UBE2R2: variants seen among roughly 807,000 people sequenced by gnomAD.
UBE2R2 encodes ubiquitin conjugating enzyme E2 R2.
UBE2R2 carries 1 observed loss-of-function variant against 27.8 expected under a neutral mutation model. The observed-to-expected ratio is 0.04, with a 90% CI of 0.01 to 0.17. The LOEUF is 0.17. Among genes scored for constraint, UBE2R2 ranks in the 10% least tolerant of loss-of-function variants. The pLI, the probability that UBE2R2 is intolerant of heterozygous loss-of-function variation, is 1.00. For missense variants in UBE2R2, 100 were observed against 291.0 expected (o/e 0.34, Z 4.78); for synonymous variants, 106 against 113.3 (o/e 0.94, Z 0.41).
At chr9:33,873,671 C>T (rs757734205) in intron 1 of UBE2R2, among the ~76,000 whole-genome samples, 1 of 152,122 alleles carries the variant, frequency 6.6e-6, no homozygotes, top group Non-Finnish European at 1.5e-5. Context: ...GGCCAGGTCT[C>T]GCTCTGTCAC....
intron 1 of UBE2R2, among the ~76,000 whole-genome samples, chr9:33,844,958 G>A (rs1180169484): frequency 3.3e-5 from 5 of 151,060 alleles, no homozygotes; most frequent in African/African-American, 7.3e-5. Flanking sequence ...TAGTAGAGAC[G>A]GGGTTTCACC....
rs71506139 is a variant in UBE2R2, at chr9:33,843,042, CTTTTTT to C, written c.177+25126_177+25131del. 7.5e-4 allele frequency among the ~76,000 whole-genome samples: 79 copies of C among 105,290 alleles called. 1 individual carries two copies. Among genetic ancestry groups the C allele is most frequent in the African/African-American group, 2.8e-3 (71 of 25,066 alleles). The allele number at this position is 105,290 out of a possible 152,430, so 69.1% of individuals were successfully genotyped here. On this transcript the variant is annotated intron_variant, in intron 1 of 4. Coordinates refer to ENST00000263228, the MANE Select transcript of UBE2R2 (RefSeq NM_017811.4). ...TTTACAAAAAAAAAAAAACAGACCA[CTTTTTT>C]TTTTTTTTTTTTTTTTTAAGACAGA...
At chr9:33,836,370 C>G (rs555309465) in intron 1 of UBE2R2, among the ~76,000 whole-genome samples, 1 of 152,152 alleles carries the variant, frequency 6.6e-6, no homozygotes, top group African/African-American at 2.4e-5. Context: ...CCTAATGATG[C>G]ATTTCTCAGA....
intron 1 of UBE2R2, among the ~76,000 whole-genome samples, chr9:33,831,274 T>C (rs1820472865): frequency 6.6e-6 from 1 of 152,056 alleles, no homozygotes; most frequent in African/African-American, 2.4e-5. Flanking sequence ...GACCCCCATC[T>C]CTACAAAGAA....
intron 2 of UBE2R2, among the ~76,000 whole-genome samples, chr9:33,893,317 A>G (rs1261837553): frequency 6.6e-6 from 1 of 152,212 alleles, no homozygotes; most frequent in African/African-American, 2.4e-5. Flanking sequence ...GTCATATAGT[A>G]TGTGACATTT....
intron 1 of UBE2R2, among the ~76,000 whole-genome samples, chr9:33,880,894 C>G: frequency 6.6e-6 from 1 of 152,066 alleles, no homozygotes; most frequent in East Asian, 1.9e-4. Context: ...CCCGAAACAC[C>G]CACCTCACTA....
At chr9:33,823,615 A>G (rs932361105) in intron 1 of UBE2R2, among the ~76,000 whole-genome samples, 11 of 152,190 alleles carry the variant, frequency 7.2e-5, no homozygotes, top group African/African-American at 2.6e-4. Context: ...ACCTCAGATG[A>G]TCTACCCGCC....
In UBE2R2 at chr9:33,876,068, A is replaced by G. The variant is rs541699893; in HGVS notation, c.178-10813A>G. On this transcript the variant is annotated intron_variant, in intron 1 of 4. Transcript: ENST00000263228. ...TATACATGTGAAATAGTATGTTTAA[A>G]TTTTTAATAAGGGCTGGGCATGGTG... Among the ~76,000 whole-genome samples, 13 of 152,330 alleles carry G rather than the reference A, an allele frequency of 8.5e-5. 1 individual carries two copies. The highest frequency in any genetic ancestry group is 3.1e-4 in the African/African-American group (13 of 41,580).
Position 33,908,887 on chromosome 9 carries a change from T to C in UBE2R2, c.363-3077T>C, listed in dbSNP as rs146087085. The stretch of plus-strand genomic sequence containing the variant: ...GGCATGCACCTGTAGTCCCAGCTAC[T>C]TGGGAGGATGAGGCAGGATTATCAC... On this transcript the variant is annotated intron_variant, in intron 3 of 4. Transcript: ENST00000263228. Among the ~76,000 whole-genome samples the C allele has an allele frequency of 2.9e-3, 445 of 152,250 alleles. 2 individuals are homozygous for C. Among genetic ancestry groups the C allele is most frequent in the African/African-American group, 9.8e-3 (407 of 41,550 alleles).
intron 1 of UBE2R2, among the ~76,000 whole-genome samples, chr9:33,852,649 A>C (rs1339370732): frequency 6.6e-6 from 1 of 152,138 alleles, no homozygotes; most frequent in Non-Finnish European, 1.5e-5. Flanking sequence ...TGCCTCTGTG[A>C]GGGCCATACT....
intron 1 of UBE2R2, among the ~76,000 whole-genome samples, chr9:33,850,370 G>A (rs768583539): frequency 5.9e-5 from 9 of 152,138 alleles, no homozygotes; most frequent in Non-Finnish European, 1.2e-4. Context: ...AAAGAGGATC[G>A]CTGCAGAGAC....
intron 1 of UBE2R2, among the ~76,000 whole-genome samples, chr9:33,852,394 G>A (rs1246665618): frequency 6.6e-6 from 1 of 152,166 alleles, no homozygotes; most frequent in Non-Finnish European, 1.5e-5. Context: ...ATCTGACCTG[G>A]TCCTAGCTGT....
intron 1 of UBE2R2, among the ~76,000 whole-genome samples, chr9:33,824,365 G>A (rs1203136898): frequency 3.3e-5 from 5 of 151,900 alleles, no homozygotes; most frequent in Admixed American, 6.6e-5. Flanking sequence ...GGCCGGGCGC[G>A]GTAGCTCATG....
chr9:33,828,194 C>T (rs1353935114), intron 1 of UBE2R2, among the ~76,000 whole-genome samples: 3 of 149,952 alleles, frequency 2.0e-5, no homozygotes, highest in Admixed American at 6.7e-5. Context: ...CCCAGCTACT[C>T]GGGAGGCTGA....
At chr9:33,876,032 A>G (rs879380155) in intron 1 of UBE2R2, among the ~76,000 whole-genome samples, 11 of 152,376 alleles carry the variant, frequency 7.2e-5, no homozygotes, top group South Asian at 4.1e-4. Context: ...ATAGGTAACT[A>G]TAGGTCACCA....
At chr9:33,871,809 C>T (rs940698818) in intron 1 of UBE2R2, among the ~76,000 whole-genome samples, 4 of 152,152 alleles carry the variant, frequency 2.6e-5, no homozygotes, top group Admixed American at 1.3e-4. Context: ...CTCCTGGGTT[C>T]GAGCAATTCT....
At chr9:33,869,423 TTTTATTTA>T (rs78245446) in intron 1 of UBE2R2, among the ~76,000 whole-genome samples, 361 of 146,622 alleles carry the variant, frequency 2.5e-3, no homozygotes, top group East Asian at 5.1e-3. Flanking sequence ...ATATACAATG[TTTTATTTA>T]TTTATTTATT....
intron 1 of UBE2R2, among the ~76,000 whole-genome samples, chr9:33,864,269 G>C (rs1418146862): frequency 2.0e-5 from 3 of 152,120 alleles, no homozygotes; most frequent in Non-Finnish European, 4.4e-5. Flanking sequence ...AAGCAGACAG[G>C]CCATGTAGCT....
At chr9:33,879,600 C>T (rs1749276) in intron 1 of UBE2R2, among the ~76,000 whole-genome samples, 6,016 of 151,828 alleles carry the variant, frequency 0.04, 265 homozygotes, top group African/African-American at 0.098. Context: ...ATTACAGGCA[C>T]GTCCACCATG....
Sources: allele counts gnomAD v4.1 joint callset (sites outside exome capture counted in the v4.1 genomes callset), GRCh38; gene constraint gnomAD v4.1.1; transcripts MANE v1.5; gene names NCBI Gene and HGNC (gene_info 2026-07-23, HGNC 2026-07-21).